MAN1A1: variants seen among roughly 807,000 people sequenced by gnomAD.
MAN1A1 encodes mannosidase alpha class 1A member 1.
MAN1A1 carries 29 observed loss-of-function variants against 70.8 expected under a neutral mutation model. The ratio of observed to expected loss-of-function variants is 0.41; its 90% CI spans 0.31 to 0.56. MAN1A1 has a LOEUF of 0.56. Among genes scored for constraint, MAN1A1 ranks in the 20% least tolerant of loss-of-function variants. The probability of loss-of-function intolerance (pLI) is 0.29; values close to 1 mark genes in which losing one functional copy is unlikely to be tolerated. For missense variants in MAN1A1, 747 were observed against 841.3 expected (o/e 0.89, Z 1.39); for synonymous variants, 349 against 330.1 (o/e 1.06, Z -0.62).
intron 2 of MAN1A1, among the ~76,000 whole-genome samples, chr6:119,310,859 G>A (rs558091121): frequency 2.5e-4 from 38 of 152,318 alleles, no homozygotes; most frequent in African/African-American, 8.9e-4. Flanking sequence ...CAATGCTGTG[G>A]AGTCCTGAAT....
chr6:119,325,833 G>A (rs75422921), intron 2 of MAN1A1, among the ~76,000 whole-genome samples: 8 of 152,224 alleles, frequency 5.3e-5, no homozygotes, highest in Admixed American at 5.2e-4. Context: ...CCCTACATGT[G>A]GATACAGCAT....
intron 11 of MAN1A1, among the ~76,000 whole-genome samples, chr6:119,180,705 G>A (rs1158301194): frequency 3.3e-5 from 5 of 151,934 alleles, no homozygotes; most frequent in African/African-American, 1.2e-4. Flanking sequence ...GTAGAGATAG[G>A]GTTTTGCCAT....
intron 8 of MAN1A1, among the ~76,000 whole-genome samples, chr6:119,200,124 T>C (rs986422585): frequency 1.3e-5 from 2 of 152,152 alleles, no homozygotes; most frequent in African/African-American, 4.8e-5. Flanking sequence ...ACAGAGCACA[T>C]ATGTATTCAC....
chr6:119,318,602 T>C (rs569037046), intron 2 of MAN1A1, among the ~76,000 whole-genome samples: 1 of 152,326 alleles, frequency 6.6e-6, no homozygotes, highest in African/African-American at 2.4e-5. Context: ...TTCAGAAACA[T>C]GACATGCAAA....
chr6:119,232,672 C>CAT (rs201602062), intron 6 of MAN1A1, among the ~76,000 whole-genome samples: 4 of 132,736 alleles, frequency 3.0e-5, no homozygotes, highest in Non-Finnish European at 4.9e-5. Context: ...CATATATACA[C>CAT]ATATATATGT....
chr6:119,315,523 CT>C (rs1204938348), intron 2 of MAN1A1, among the ~76,000 whole-genome samples: 1 of 152,104 alleles, frequency 6.6e-6, no homozygotes, highest in East Asian at 1.9e-4. Context: ...TAATGGTTCT[CT>C]TTTTTTATGG....
chr6:119,341,478 T>C (rs1230500613), intron 2 of MAN1A1, among the ~76,000 whole-genome samples: 1 of 152,168 alleles, frequency 6.6e-6, no homozygotes, highest in Non-Finnish European at 1.5e-5. Context: ...TTCTCAGCTA[T>C]TGTTTGTACA....
chr6:119,247,031 T>C lies in MAN1A1; in HGVS notation c.992+1229A>G, dbSNP rs548659321. On this transcript the variant is annotated intron_variant, in intron 6 of 12. Coordinates refer to ENST00000368468, the MANE Select transcript of MAN1A1 (RefSeq NM_005907.4). ...AGATAGGTACAGGATGATTTCAAGG[T>C]GTAGATATATAATATACAAATGAAA... 5.3e-5 allele frequency among the ~76,000 whole-genome samples: 8 copies of C among 152,198 alleles called. No individual in the cohort carries two copies. The South Asian group carries it at 8.3e-4, about 16-fold the overall frequency.
At chr6:119,340,761 C>T (rs1773574910) in intron 2 of MAN1A1, among the ~76,000 whole-genome samples, 1 of 152,188 alleles carries the variant, frequency 6.6e-6, no homozygotes, top group Non-Finnish European at 1.5e-5. Flanking sequence ...TAAACACTCC[C>T]ACACAAGACA....
At chr6:119,306,172 C>A (rs1772518683) in intron 3 of MAN1A1, among the ~76,000 whole-genome samples, 1 of 152,140 alleles carries the variant, frequency 6.6e-6, no homozygotes, top group Non-Finnish European at 1.5e-5. Context: ...CAGAGTAACA[C>A]TGTATTCCCT....
chr6:119,196,801 C>T (rs1458067068), intron 8 of MAN1A1, among the ~76,000 whole-genome samples: 1 of 152,198 alleles, frequency 6.6e-6, no homozygotes, highest in African/African-American at 2.4e-5. Flanking sequence ...TGACACTACA[C>T]ATAGCTAGCT....
intron 2 of MAN1A1, among the ~76,000 whole-genome samples, chr6:119,314,339 A>G (rs964945652): frequency 2.0e-5 from 3 of 152,234 alleles, no homozygotes; most frequent in African/African-American, 7.2e-5. Flanking sequence ...TTGTTCTACA[A>G]ATCAAACTGT....
At chr6:119,315,792 C>A (rs1268401980) in intron 2 of MAN1A1, among the ~76,000 whole-genome samples, 1 of 152,186 alleles carries the variant, frequency 6.6e-6, no homozygotes, top group Non-Finnish European at 1.5e-5. Flanking sequence ...AACAGTTTGG[C>A]ATCAGCTTAG....
At chr6:119,250,178 T>C (rs866275217) in intron 5 of MAN1A1, among the ~76,000 whole-genome samples, 10 of 152,246 alleles carry the variant, frequency 6.6e-5, no homozygotes, top group African/African-American at 2.4e-4. Context: ...ATTTATCCAA[T>C]CACTGCCCAG....
At chr6:119,270,207 C>G (rs546595267) in intron 5 of MAN1A1, among the ~76,000 whole-genome samples, 1 of 152,156 alleles carries the variant, frequency 6.6e-6, no homozygotes, top group East Asian at 1.9e-4. Context: ...AATATTAATT[C>G]AAGCCCGCAC....
chr6:119,221,271 C>T (rs1254898103), intron 6 of MAN1A1, among the ~76,000 whole-genome samples: 1 of 151,954 alleles, frequency 6.6e-6, no homozygotes, highest in Non-Finnish European at 1.5e-5. Flanking sequence ...ATTTTACTTC[C>T]AATTCCTGCC....
At chr6:119,311,078 C>A (rs1216535970) in intron 2 of MAN1A1, among the ~76,000 whole-genome samples, 2 of 152,212 alleles carry the variant, frequency 1.3e-5, no homozygotes, top group Non-Finnish European at 2.9e-5. Context: ...TCTGAGCCCA[C>A]TTTCTGCACA....
intron 5 of MAN1A1, among the ~76,000 whole-genome samples, chr6:119,261,616 CCA>C (rs1299451698): frequency 6.6e-6 from 1 of 152,140 alleles, no homozygotes; most frequent in Non-Finnish European, 1.5e-5. Context: ...TATGAATACT[CCA>C]CAAGGTAATC....
chr6:119,272,884 A>G (rs1031792431), intron 5 of MAN1A1, among the ~76,000 whole-genome samples: 6 of 152,044 alleles, frequency 3.9e-5, no homozygotes, highest in Non-Finnish European at 8.8e-5. Flanking sequence ...GCTTTATGTC[A>G]CCTCCATTTC....
Sources: allele counts gnomAD v4.1 joint callset (sites outside exome capture counted in the v4.1 genomes callset), GRCh38; gene constraint gnomAD v4.1.1; transcripts MANE v1.5; gene names NCBI Gene and HGNC (gene_info 2026-07-23, HGNC 2026-07-21).